Variants in NTN1 observed in about 807,000 individuals in gnomAD.
NTN1 encodes the protein netrin 1, also known as netrin-1.
In NTN1, 11 loss-of-function variants were observed where a neutral mutation model predicts 54.2. That is an observed-to-expected ratio of 0.20 (90% CI 0.13 to 0.34). The LOEUF (loss-of-function observed/expected upper bound fraction) is 0.34. Among genes scored for constraint, NTN1 ranks in the 10% least tolerant of loss-of-function variants. The pLI is 1.00. For missense variants in NTN1, 740 were observed against 893.1 expected (o/e 0.83, Z 2.18); for synonymous variants, 371 against 382.0 (o/e 0.97, Z 0.33).
chr17:9,056,196 A>T (rs368357150), intron 2 of NTN1, among the ~76,000 whole-genome samples: 2 of 152,142 alleles, frequency 1.3e-5, no homozygotes, highest in South Asian at 4.1e-4. Context: ...AGCTGGGATT[A>T]CAGGCATGTG....
intron 4 of NTN1, among the ~76,000 whole-genome samples, chr17:9,181,748 A>G (rs760024359): frequency 1.1e-4 from 17 of 152,158 alleles, no homozygotes; most frequent in Non-Finnish European, 1.8e-4. Flanking sequence ...AAAGAATCAG[A>G]TGGTGGCTAG....
chr17:9,018,193 C>T (rs1000185113), upstream of NTN1, among the ~76,000 whole-genome samples: 4 of 152,096 alleles, frequency 2.6e-5, no homozygotes, highest in African/African-American at 4.8e-5. Flanking sequence ...TAAGCGTAGA[C>T]CTAAGTGACC....
At chr17:9,178,766 G>A (rs548065408) in intron 3 of NTN1, among the ~76,000 whole-genome samples, 154 of 152,252 alleles carry the variant, frequency 1.0e-3, no homozygotes, top group Non-Finnish European at 1.9e-3. Context: ...TTCTTCCTTC[G>A]GTGTTCCCCT....
Position 9,241,740 on chromosome 17 carries a change from A to C in NTN1, c.*1772A>C, listed in dbSNP as rs1005185793. 1.2e-4 allele frequency: 18 copies of C among 152,230 alleles called. No homozygotes were observed. The highest frequency in any genetic ancestry group is 8.5e-4 in the Admixed American group (13 of 15,288). 9.4% of individuals were successfully genotyped at this position (152,230 alleles called of 1,614,324 possible). A position where few individuals can be genotyped will look rare whatever the true frequency, so the allele number is the denominator to read the frequency against. ...CATGCTCCCAGTGTGTACTCATGACAACCCTGTGGGACAGGGACTCATTAT... is the reference window on the plus strand; with the variant it reads ...CATGCTCCCAGTGTGTACTCATGACCACCCTGTGGGACAGGGACTCATTAT... On this transcript the variant is annotated 3_prime_UTR_variant, in exon 7 of 7. Transcript: ENST00000173229.
chr17:9,235,583 C>T (rs1905958063), intron 6 of NTN1, among the ~76,000 whole-genome samples: 1 of 152,166 alleles, frequency 6.6e-6, no homozygotes, highest in African/African-American at 2.4e-5. Context: ...ACTTATTGCT[C>T]ATAGTTCTGG....
At chr17:9,206,968 G>A (rs183704990) in intron 5 of NTN1, among the ~76,000 whole-genome samples, 1 of 152,076 alleles carries the variant, frequency 6.6e-6, no homozygotes, top group Non-Finnish European at 1.5e-5. Context: ...CTTTTCGGCT[G>A]TTTACAGAGA....
At chr17:9,019,619 G>C (rs544139818), upstream of NTN1, among the ~76,000 whole-genome samples, 2 of 152,212 alleles carry the variant, frequency 1.3e-5, no homozygotes, top group East Asian at 1.9e-4. Context: ...TCACAACCCA[G>C]TGGGGTAGAA....
At chr17:9,140,470 T>C (rs932022588) in intron 2 of NTN1, among the ~76,000 whole-genome samples, 1 of 151,912 alleles carries the variant, frequency 6.6e-6, no homozygotes, top group African/African-American at 2.4e-5. Context: ...TTCCCCAGAG[T>C]GAAAGCAGTG....
At chr17:9,192,413 A>G (rs1904487017) in intron 5 of NTN1, among the ~76,000 whole-genome samples, 1 of 152,212 alleles carries the variant, frequency 6.6e-6, no homozygotes. Flanking sequence ...AGAATTAGCC[A>G]TATCGGTGGA....
chr17:9,063,515 C>T (rs1318851217), intron 2 of NTN1, among the ~76,000 whole-genome samples: 2 of 151,934 alleles, frequency 1.3e-5, no homozygotes, highest in African/African-American at 4.8e-5. Context: ...CCACATTGAG[C>T]TATGAAAGAG....
the NTN1 span, among the ~76,000 whole-genome samples, chr17:9,011,991 G>T: frequency 2.6e-5 from 4 of 152,258 alleles, no homozygotes; most frequent in Non-Finnish European, 5.9e-5. Flanking sequence ...CCTATTTTGT[G>T]CCAGGCAGTC....
At chr17:9,028,869 A>G (rs1165734195) in intron 2 of NTN1, among the ~76,000 whole-genome samples, 1 of 152,166 alleles carries the variant, frequency 6.6e-6, no homozygotes, top group African/African-American at 2.4e-5. Context: ...ATGGCTCTCT[A>G]GGGAACTGGA....
intron 3 of NTN1, chr17:9,176,478 T>C (rs1019331305): frequency 6.6e-6 from 1 of 152,332 alleles, no homozygotes; most frequent in Non-Finnish European, 1.5e-5. Flanking sequence ...GAGTCTTCCC[T>C]TGGGCTCAGC....
At chr17:9,028,451 G>A (rs969676334) in intron 2 of NTN1, among the ~76,000 whole-genome samples, 1 of 152,150 alleles carries the variant, frequency 6.6e-6, no homozygotes, top group Non-Finnish European at 1.5e-5. Context: ...AGGCAGGTTC[G>A]TCAGGGGAAA....
chr17:9,225,086 C>G (rs1905490118), intron 6 of NTN1, among the ~76,000 whole-genome samples: 1 of 152,012 alleles, frequency 6.6e-6, no homozygotes. Flanking sequence ...CATAGTGAAA[C>G]CCCGTCTCTA....
intron 4 of NTN1, among the ~76,000 whole-genome samples, chr17:9,180,961 CTG>C (rs1470296198): frequency 6.6e-6 from 1 of 152,164 alleles, no homozygotes; most frequent in African/African-American, 2.4e-5. Flanking sequence ...GGGAGGAAAT[CTG>C]GGGTTCGGAA....
intron 2 of NTN1, among the ~76,000 whole-genome samples, chr17:9,090,807 G>A (rs1366447723): frequency 6.6e-6 from 1 of 152,182 alleles, no homozygotes; most frequent in Non-Finnish European, 1.5e-5. Context: ...AGGGAGGCTG[G>A]CAGGGCCTTG....
intron 2 of NTN1, among the ~76,000 whole-genome samples, chr17:9,086,635 C>T (rs1265720685): frequency 6.6e-6 from 1 of 152,166 alleles, no homozygotes; most frequent in Non-Finnish European, 1.5e-5. Flanking sequence ...AACAGATCAT[C>T]ACTGTGACCA....
At chr17:9,126,426 C>G (rs2092247368) in intron 2 of NTN1, among the ~76,000 whole-genome samples, 1 of 152,160 alleles carries the variant, frequency 6.6e-6, no homozygotes, top group Admixed American at 6.5e-5. Flanking sequence ...AGGAGAATCA[C>G]TTGAACCTGG....
Sources: allele counts gnomAD v4.1 joint callset (sites outside exome capture counted in the v4.1 genomes callset), GRCh38; gene constraint gnomAD v4.1.1; transcripts MANE v1.5; gene names NCBI Gene and HGNC (gene_info 2026-07-23, HGNC 2026-07-21).